PHEX: variants seen among roughly 807,000 people sequenced by gnomAD.
PHEX encodes the protein phosphate regulating endopeptidase X-linked, also known as phosphate-regulating neutral endopeptidase PHEX.
A neutral mutation model predicts 68.0 loss-of-function variants in PHEX; 16 were observed. The observed-to-expected ratio is 0.24, with a 90% CI of 0.16 to 0.36. The LOEUF (loss-of-function observed/expected upper bound fraction) is 0.36. PHEX is among the 10% of genes least tolerant of loss of function. The pLI is 1.00. For missense variants in PHEX, 480 were observed against 575.5 expected, an observed-to-expected ratio of 0.83 and a Z score of 1.70; for synonymous variants, 208 against 205.1, an observed-to-expected ratio of 1.01 and a Z score of -0.12.
At chrX:22,098,924 A>T in intron 8 of PHEX, 82 bp from the exon 9 acceptor site, 1 of 845,818 alleles carries the variant, frequency 1.2e-6, no homozygotes. Flanking sequence ...GAAATGAATG[A>T]TGCTCAATCT....
intron 10 of PHEX, among the ~76,000 whole-genome samples, chrX:22,114,201 G>C (rs1422235497): frequency 3.6e-5 from 4 of 110,046 alleles, no homozygotes; most frequent in Non-Finnish European, 3.8e-5. Flanking sequence ...CTGCTCACCT[G>C]GGCTTCTTAA....
chrX:22,227,648 G>A (rs1935554907), intron 20 of PHEX, 37 bp downstream of exon 20: 1 of 968,182 alleles, frequency 1.0e-6, no homozygotes, highest in Non-Finnish European at 1.5e-6. Context: ...GGGATGAGAT[G>A]CAGGACTTGA....
Position 22,032,841 on chromosome X carries a change from T to G in PHEX, c.-165T>G. 1 of 506,563 alleles carries G rather than the reference T, an allele frequency of 2.0e-6. No homozygotes were observed. Among genetic ancestry groups the G allele is most frequent in the Non-Finnish European group, 3.5e-6 (1 of 282,086 alleles). The allele number at this position is 506,563 out of a possible 1,213,427, so 41.7% of individuals were successfully genotyped here. On this transcript the variant is annotated 5_prime_UTR_variant, in exon 1 of 22. Transcript: ENST00000379374. ...TTTTATAATTTTCATTTGTGAAGAA[T>G]TATTTGAGAAAGGGTGGCGAGGGGA...
chrX:22,072,860 A>T (rs1928966983), intron 3 of PHEX, among the ~76,000 whole-genome samples: 1 of 112,104 alleles, frequency 8.9e-6, no homozygotes, highest in Non-Finnish European at 1.9e-5. Context: ...TGTATGTTGT[A>T]TTATTTGTGT....
chrX:22,077,817 T>C, intron 5 of PHEX, 115 bp downstream of exon 5: 1 of 557,237 alleles, frequency 1.8e-6, no homozygotes, highest in South Asian at 2.5e-5. Flanking sequence ...AAAACACTTT[T>C]ATTGAATAGT....
intron 19 of PHEX, among the ~76,000 whole-genome samples, chrX:22,226,938 G>GTGAT (rs767225939): frequency 1.8e-5 from 2 of 111,426 alleles, no homozygotes; most frequent in East Asian, 5.6e-4. Flanking sequence ...ACTGGGCCAA[G>GTGAT]TGATAGTTCA....
chrX:22,054,209 A>G (rs1927970061), intron 3 of PHEX, among the ~76,000 whole-genome samples: 1 of 111,313 alleles, frequency 9.0e-6, no homozygotes, highest in African/African-American at 3.3e-5. Flanking sequence ...ATCTCACCTC[A>G]CTGCAACCTC....
rs35237763 is a variant in PHEX, at chrX:22,074,289, G to GAGA, written c.350-2096_350-2094dup. The stretch of plus-strand genomic sequence containing the variant: ...GCTCTCCTGTCTGCTTGGGCTCAGA[G>GAGA]AGAAGGAAAGAAGAGAAGGAAAAGG... On this transcript the variant is annotated intron_variant, in intron 3 of 21. Transcript: ENST00000379374. Among the ~76,000 whole-genome samples the GAGA allele has an allele frequency of 3.1e-3, 336 of 109,445 alleles. 4 individuals are homozygous for GAGA. The highest frequency in any genetic ancestry group is 0.011 in the African/African-American group (322 of 30,083).
At chrX:22,112,122 C>T (rs778934777) in intron 10 of PHEX, among the ~76,000 whole-genome samples, 16 of 111,709 alleles carry the variant, frequency 1.4e-4, no homozygotes, top group African/African-American at 5.2e-4. Context: ...GATGGTTTTC[C>T]TCCACCTGCT....
intron 20 of PHEX, among the ~76,000 whole-genome samples, chrX:22,229,485 A>G (rs1292965143): frequency 2.7e-5 from 3 of 112,208 alleles, no homozygotes; most frequent in Non-Finnish European, 5.6e-5. Flanking sequence ...CATTTCTCTA[A>G]TGACCAGTGA....
chrX:22,203,078 G>C (rs997497016), intron 15 of PHEX, among the ~76,000 whole-genome samples: 8 of 111,126 alleles, frequency 7.2e-5, no homozygotes, highest in African/African-American at 2.3e-4. Flanking sequence ...TTGGGTAAAG[G>C]TGGGGTGACT....
In PHEX at chrX:22,245,468, C is replaced by A. The variant is rs749589120; in HGVS notation, c.2147+59C>A. The stretch of plus-strand genomic sequence containing the variant: ...CTGTACATCTCCCCCCTTCCTCCCC[C>A]ACCCAGCCATCCAAGGGCTCTACCA... On this transcript the variant is annotated intron_variant, in intron 21 of 21. Coordinates refer to ENST00000379374, the MANE Select transcript of PHEX (RefSeq NM_000444.6). 2.4e-5 allele frequency: 19 copies of A among 782,051 alleles called. No individual in the cohort carries two copies. In the South Asian group the frequency reaches 2.9e-4, roughly 12 times the overall value. 64.4% of individuals were successfully genotyped at this position (782,051 alleles called of 1,213,427 possible). A position where few individuals can be genotyped will look rare whatever the true frequency, so the allele number is the denominator to read the frequency against.
chrX:22,118,789 C>A lies in PHEX; in HGVS notation c.1302+4203C>A, dbSNP rs748249566. On this transcript the variant is annotated intron_variant, in intron 11 of 21. Coordinates refer to ENST00000379374, the MANE Select transcript of PHEX (RefSeq NM_000444.6). Reference sequence around the variant, plus strand: ...ACTGTTTCACTAAGACTTCCTACATCCAACTGTGCATTTGGACACACCGAT... The same window carrying A: ...ACTGTTTCACTAAGACTTCCTACATACAACTGTGCATTTGGACACACCGAT... Among the ~76,000 whole-genome samples, 4 of 110,873 alleles carry A rather than the reference C, an allele frequency of 3.6e-5. No homozygotes were observed. In the East Asian group the frequency reaches 1.1e-3, roughly 31 times the overall value.
chrX:22,202,212 T>C (rs1934579401), intron 15 of PHEX, among the ~76,000 whole-genome samples: 1 of 112,316 alleles, frequency 8.9e-6, no homozygotes, highest in African/African-American at 3.2e-5. Context: ...TTTTTCCATT[T>C]ATTACATATT....
intron 12 of PHEX, among the ~76,000 whole-genome samples, chrX:22,146,611 G>A (rs759954099): frequency 1.8e-5 from 2 of 111,236 alleles, no homozygotes; most frequent in South Asian, 7.6e-4. Flanking sequence ...GAGGCCAGAA[G>A]TTTGAGACCA....
At chrX:22,037,100 G>GGAAAA (rs752843835) in intron 1 of PHEX, among the ~76,000 whole-genome samples, 2 of 84,196 alleles carry the variant, frequency 2.4e-5, no homozygotes. Flanking sequence ...CTCTTGTCTC[G>GGAAAA]AAAAAAAAAA....
At chrX:22,053,318 G>A (rs1927923628) in intron 3 of PHEX, among the ~76,000 whole-genome samples, 1 of 111,913 alleles carries the variant, frequency 8.9e-6, no homozygotes, top group East Asian at 2.8e-4. Context: ...AAGGCTGATA[G>A]AAAACACACA....
intron 20 of PHEX, among the ~76,000 whole-genome samples, chrX:22,228,635 T>C (rs887747897): frequency 1.2e-4 from 13 of 111,966 alleles, no homozygotes; most frequent in African/African-American, 4.2e-4. Flanking sequence ...ATTTTCCTGG[T>C]TAGAAAGCCT....
chrX:22,155,546 A>G (rs1232470481), intron 12 of PHEX, among the ~76,000 whole-genome samples: 2 of 111,734 alleles, frequency 1.8e-5, no homozygotes, highest in East Asian at 5.6e-4. Context: ...TTCAACCTTG[A>G]TATTTGAAAA....
Sources: gnomAD v4.1 joint callset for allele counts (sites outside exome capture counted in the v4.1 genomes callset) on GRCh38, gnomAD v4.1.1 for gene constraint, MANE v1.5 for transcripts, NCBI Gene and HGNC (gene_info 2026-07-23, HGNC 2026-07-21) for gene names.